SF3B3: variants seen among roughly 807,000 people sequenced by gnomAD.
The protein encoded by SF3B3 is splicing factor 3b subunit 3.
In SF3B3, 33 loss-of-function variants were observed where a neutral mutation model predicts 139.2. That is an observed-to-expected ratio of 0.24 (90% CI 0.18 to 0.32). SF3B3 has a LOEUF of 0.32. Among genes scored for constraint, SF3B3 ranks in the 10% least tolerant of loss-of-function variants. The pLI, the probability that SF3B3 is intolerant of heterozygous loss-of-function variation, is 1.00. For missense variants in SF3B3, 818 were observed against 1,509.4 expected, an observed-to-expected ratio of 0.54 and a Z score of 7.59; for synonymous variants, 596 against 563.6, an observed-to-expected ratio of 1.06 and a Z score of -0.81.
chr16:70,576,104 T>C lies in SF3B3; in HGVS notation c.*4291T>C, dbSNP rs2050577762. 6.7e-6 allele frequency: 1 copy of C among 150,012 alleles called. No homozygotes were observed. The highest frequency in any genetic ancestry group is 2.1e-4 in the South Asian group (1 of 4,730). The allele number at this position is 150,012 out of a possible 1,614,324, so 9.3% of individuals were successfully genotyped here. On this transcript the variant is annotated 3_prime_UTR_variant, in exon 26 of 26. Coordinates refer to ENST00000302516, the MANE Select transcript of SF3B3 (RefSeq NM_012426.5). The stretch of plus-strand genomic sequence containing the variant: ...TGTTTTTTTTTTTTTAAAAAAAGAG[T>C]CTGCTGGTGATGTCTGGGCATGTGT...
chr16:70,553,790 A>G (rs1045073008), intron 11 of SF3B3, among the ~76,000 whole-genome samples: 2 of 152,226 alleles, frequency 1.3e-5, no homozygotes, highest in Non-Finnish European at 2.9e-5. Flanking sequence ...AGCAAATTCT[A>G]ATAGGATTGC....
At chr16:70,556,072 A>T in intron 13 of SF3B3, 107 bp from the exon 14 acceptor site, 1 of 1,141,698 alleles carries the variant, frequency 8.8e-7, no homozygotes, top group South Asian at 1.4e-5. Context: ...GCAGAACAAA[A>T]TACAACAGCC....
chr16:70,570,440 C>A (rs1292203980), intron 24 of SF3B3, among the ~76,000 whole-genome samples: 1 of 149,462 alleles, frequency 6.7e-6, no homozygotes, highest in African/African-American at 2.5e-5. Context: ...ACGCCATTCT[C>A]CTGCCTCAGC....
intron 9 of SF3B3, 47 bp downstream of exon 9, chr16:70,541,881 C>A: frequency 1.3e-6 from 2 of 1,511,028 alleles, no homozygotes; most frequent in South Asian, 2.4e-5. Context: ...TAAAGTTAAA[C>A]TGAGGTCTAG....
chr16:70,565,132 A>G lies in SF3B3; in HGVS notation c.2531A>G (p.Asn844Ser), dbSNP rs1463555727. The change falls in exon 19 of 26, where the codon AAT becomes AGT. Residue 844 changes from asparagine (N) to serine (S), a missense_variant. Around this residue, in one of 14 missense-constraint regions of SF3B3, gnomAD observed 25 missense variants for 68.1 expected, o/e 0.37. Coordinates refer to ENST00000302516, the MANE Select transcript of SF3B3 (RefSeq NM_012426.5). ...LAAEMAAAFLNENLPESIFGA... is the reference protein window; with the variant it reads ...LAAEMAAAFLSENLPESIFGA... ...GCAGAGATGGCAGCAGCATTCCTCA[A>G]TGAAAACCTCCCTGAATCCATCTTT... 13 of 1,614,072 alleles carry G rather than the reference A, an allele frequency of 8.1e-6. No homozygotes were observed. The highest frequency in any genetic ancestry group is 3.3e-5 in the Admixed American group (2 of 59,994).
chr16:70,543,748 T>C (rs773333194), intron 9 of SF3B3, among the ~76,000 whole-genome samples: 12 of 152,046 alleles, frequency 7.9e-5, no homozygotes, highest in Non-Finnish European at 1.8e-4. Context: ...GAAGTTAAAG[T>C]GTGTATAGCA....
chr16:70,565,784 G>A (rs1302149126), intron 20 of SF3B3: 1 of 369,528 alleles, frequency 2.7e-6, no homozygotes, highest in South Asian at 4.8e-5. Context: ...GTTTTAATAA[G>A]CAGGCAACAA....
intron 9 of SF3B3, among the ~76,000 whole-genome samples, chr16:70,542,337 G>A (rs532608981): frequency 1.1e-4 from 16 of 152,312 alleles, no homozygotes; most frequent in Admixed American, 4.6e-4. Flanking sequence ...TTTTACCACA[G>A]TTCCTCTTTA....
At chr16:70,561,169 T>C (rs1263923792) in intron 16 of SF3B3, among the ~76,000 whole-genome samples, 1 of 152,120 alleles carries the variant, frequency 6.6e-6, no homozygotes, top group African/African-American at 2.4e-5. Context: ...TACAGGCGCA[T>C]GCCACCACGC....
chr16:70,534,905 G>A (rs2050152413), intron 5 of SF3B3, among the ~76,000 whole-genome samples: 1 of 152,154 alleles, frequency 6.6e-6, no homozygotes, highest in South Asian at 2.1e-4. Flanking sequence ...CTGACCTCAG[G>A]TGATCTGCCT....
chr16:70,539,414 G>A (rs1250935600), intron 8 of SF3B3, among the ~76,000 whole-genome samples: 1 of 152,148 alleles, frequency 6.6e-6, no homozygotes, highest in Non-Finnish European at 1.5e-5. Flanking sequence ...TGGACATGGT[G>A]GCGGGCACCT....
In SF3B3 at chr16:70,532,408, G is replaced by A. The variant is rs1011992311; in HGVS notation, c.571-71G>A. On this transcript the variant is annotated intron_variant, in intron 4 of 25. Transcript: ENST00000302516. ...CTTCTGTTTCCTCATTTGTAAATTG[G>A]AGTCCTGATGTCCTTTCCAGATCTT... 10 of 1,236,986 alleles carry A rather than the reference G, an allele frequency of 8.1e-6. No homozygotes were observed. In the African/African-American group the frequency reaches 1.7e-4, roughly 21 times the overall value. The allele number at this position is 1,236,986 out of a possible 1,614,324, so 76.6% of individuals were successfully genotyped here.
At chr16:70,530,658 G>C in intron 3 of SF3B3, 87 bp from the exon 4 acceptor site, 2 of 1,128,118 alleles carry the variant, frequency 1.8e-6, no homozygotes, top group Non-Finnish European at 2.6e-6. Flanking sequence ...ATGATTAAAA[G>C]AAAAGCATGA....
intron 20 of SF3B3, among the ~76,000 whole-genome samples, chr16:70,566,076 C>CA (rs2050473438): frequency 6.7e-6 from 1 of 150,366 alleles, no homozygotes; most frequent in Non-Finnish European, 1.5e-5. Flanking sequence ...GAGATTGCGC[C>CA]ATTGCACTCT....
At position 70,569,026 on chromosome 16, in the gene SF3B3, G is replaced by C. The variant is rs1428234482; in HGVS notation, c.3166-17G>C. ...GGTCCGGGCCCCAGCAGTGTGACTT[G>C]TGTCACTTCCTTGTAGGTGAGGCTC... On this transcript the variant is annotated splice_polypyrimidine_tract_variant and intron_variant, in intron 22 of 25. Transcript: ENST00000302516. 1.9e-6 allele frequency: 3 copies of C among 1,585,536 alleles called. No homozygotes were observed. Among genetic ancestry groups the C allele is most frequent in the Non-Finnish European group, 2.6e-6 (3 of 1,160,300 alleles).
intron 8 of SF3B3, among the ~76,000 whole-genome samples, chr16:70,540,027 G>A (rs1023280116): frequency 2.0e-5 from 3 of 149,310 alleles, no homozygotes; most frequent in Non-Finnish European, 4.4e-5. Context: ...CGCCTGCCTC[G>A]ACCTCCCAAA....
chr16:70,542,068 G>GA (rs2050223685), intron 9 of SF3B3, among the ~76,000 whole-genome samples: 1 of 152,060 alleles, frequency 6.6e-6, no homozygotes, highest in African/African-American at 2.4e-5. Flanking sequence ...TGCAGGGGAG[G>GA]AAAAAATCAG....
intron 10 of SF3B3, among the ~76,000 whole-genome samples, chr16:70,547,022 C>T (rs142089039): frequency 0.034 from 4,777 of 140,558 alleles, 280 homozygotes; most frequent in African/African-American, 0.12. Context: ...AGCGAGACTC[C>T]GTCTCAAAAA....
intron 3 of SF3B3, among the ~76,000 whole-genome samples, chr16:70,530,070 G>A (rs2050105317): frequency 6.6e-6 from 1 of 151,570 alleles, no homozygotes; most frequent in African/African-American, 2.4e-5. Flanking sequence ...AGGTTGCAGT[G>A]AGCCGAGATA....
Sources: allele counts gnomAD v4.1 joint callset (sites outside exome capture counted in the v4.1 genomes callset), GRCh38; gene constraint gnomAD v4.1.1; regional missense constraint gnomAD v4.1.1; transcripts MANE v1.5; gene names NCBI Gene and HGNC (gene_info 2026-07-23, HGNC 2026-07-21).